Variants in PCDHA10 observed in about 807,000 individuals in gnomAD.
The protein encoded by PCDHA10 is protocadherin alpha-10.
In PCDHA10, 45 loss-of-function variants were observed where a neutral mutation model predicts 61.2. The ratio of observed to expected loss-of-function variants is 0.74; its 90% CI spans 0.58 to 0.94. The LOEUF is 0.94. PCDHA10 is among the 40% of genes least tolerant of loss of function. The pLI is 0.00. For synonymous variants in PCDHA10, 602 were observed against 548.8 expected (o/e 1.10, Z -1.35); for missense variants, 1,278 against 1,236.2 (o/e 1.03, Z -0.51).
intron 1 of PCDHA10, among the ~76,000 whole-genome samples, chr5:140,965,010 C>T (rs1160052537): frequency 5.9e-5 from 9 of 152,154 alleles, no homozygotes; most frequent in Admixed American, 3.9e-4. Flanking sequence ...GTGTCAGGAT[C>T]ACAACCTTGG....
chr5:140,932,593 A>G (rs1347990722), intron 1 of PCDHA10, among the ~76,000 whole-genome samples: 1 of 151,922 alleles, frequency 6.6e-6, no homozygotes, highest in African/African-American at 2.4e-5. Flanking sequence ...GATGTTTTGT[A>G]TATCTATTTT....
chr5:140,919,648 G>A (rs1482168238), intron 1 of PCDHA10, among the ~76,000 whole-genome samples: 7 of 151,936 alleles, frequency 4.6e-5, no homozygotes, highest in Non-Finnish European at 7.4e-5. Flanking sequence ...TTTCTCTAGA[G>A]TTTACCATAT....
chr5:140,914,073 C>T (rs1314205032), intron 1 of PCDHA10, among the ~76,000 whole-genome samples: 2 of 152,120 alleles, frequency 1.3e-5, no homozygotes, highest in Non-Finnish European at 2.9e-5. Flanking sequence ...TGCTCCATAA[C>T]TATCTATTAG....
At chr5:140,880,258 A>G (rs1278819523) in intron 1 of PCDHA10, among the ~76,000 whole-genome samples, 3 of 152,246 alleles carry the variant, frequency 2.0e-5, no homozygotes. Flanking sequence ...GTATGTATAC[A>G]TATTTTAGTT....
intron 3 of PCDHA10, among the ~76,000 whole-genome samples, chr5:141,007,961 C>G (rs1554261577): frequency 6.6e-6 from 1 of 152,176 alleles, no homozygotes; most frequent in East Asian, 1.9e-4. Flanking sequence ...TGCTCATTCT[C>G]TGGGTGTCTG....
At chr5:140,953,527 A>T (rs531720224) in intron 1 of PCDHA10, among the ~76,000 whole-genome samples, 153 of 152,150 alleles carry the variant, frequency 1.0e-3, no homozygotes, top group African/African-American at 2.9e-3. Flanking sequence ...AAAACGGGAA[A>T]CTCACTTCAT....
In PCDHA10 at chr5:140,882,894, G is replaced by A. The variant is rs1554176001; in HGVS notation, c.2388+24458G>A. The A allele has an allele frequency of 5.6e-6, 9 of 1,614,190 alleles. No homozygotes were observed. The East Asian group carries it at 1.3e-4, about 24-fold the overall frequency. The stretch of plus-strand genomic sequence containing the variant: ...GACAGAGAGGAAATTCAGGAACATA[G>A]TTTATTACTGACAGCCAGTGATGGA... On this transcript the variant is annotated intron_variant, in intron 1 of 3. Coordinates refer to ENST00000307360, the MANE Select transcript of PCDHA10 (RefSeq NM_018901.4).
At chr5:140,927,259 C>G (rs1262444613) in intron 1 of PCDHA10, 5 of 1,614,042 alleles carry the variant, frequency 3.1e-6, no homozygotes, top group Non-Finnish European at 3.4e-6. Flanking sequence ...CAACTCACCT[C>G]TCTTTCCTGC....
chr5:140,992,847 A>G (rs183404145), intron 3 of PCDHA10, among the ~76,000 whole-genome samples: 1 of 152,264 alleles, frequency 6.6e-6, no homozygotes, highest in East Asian at 1.9e-4. Flanking sequence ...TTGTATAACA[A>G]CCAGTTTCAC....
At chr5:140,960,380 A>G (rs2095544105) in intron 1 of PCDHA10, among the ~76,000 whole-genome samples, 2 of 152,200 alleles carry the variant, frequency 1.3e-5, no homozygotes, top group African/African-American at 4.8e-5. Flanking sequence ...TTAAGTGCCA[A>G]GACATTAGGA....
At chr5:140,901,199 A>T (rs1554189641) in intron 1 of PCDHA10, among the ~76,000 whole-genome samples, 4 of 152,106 alleles carry the variant, frequency 2.6e-5, no homozygotes, top group Non-Finnish European at 5.9e-5. Context: ...TTCTGTGCAG[A>T]AGGTTTTTAA....
In PCDHA10 at chr5:140,858,048, C is replaced by G. The variant is rs1203574330; in HGVS notation, c.2000C>G (p.Ser667Trp). 9.4e-6 allele frequency: 15 copies of G among 1,597,302 alleles called. 2 individuals carry two copies. Among genetic ancestry groups the G allele is most frequent in the Non-Finnish European group, 1.2e-5 (14 of 1,167,436 alleles). The change falls in exon 1 of 4, where the codon TCG becomes TGG. Residue 667 changes from serine (S) to tryptophan (W), a missense_variant. Transcript: ENST00000307360. ...SLTATATVLV[S>W]LVEGSQAPKA... ...ACGGCCACGGCCACTGTGCTTGTGT[C>G]GCTTGTGGAGGGCAGCCAGGCACCC...
At chr5:140,885,930 AT>A (rs1188534786) in intron 1 of PCDHA10, among the ~76,000 whole-genome samples, 9 of 152,222 alleles carry the variant, frequency 5.9e-5, no homozygotes, top group Admixed American at 5.9e-4. Context: ...CTGTTTATCT[AT>A]TTTTTGACAT....
Position 141,011,614 on chromosome 5 carries a change from T to C in PCDHA10, c.*1677T>C, listed in dbSNP as rs1268321894. On this transcript the variant is annotated 3_prime_UTR_variant, in exon 4 of 4. Transcript: ENST00000307360. ...GTGATTCAAGGAATTTTATTTATGG[T>C]CCAGCCAAGAGCCATCTCGTGCCAA... 5 of 153,774 alleles carry C rather than the reference T, an allele frequency of 3.3e-5. No individual in the cohort carries two copies. Among genetic ancestry groups the C allele is most frequent in the African/African-American group, 1.2e-4 (5 of 41,460 alleles). 9.5% of individuals were successfully genotyped at this position (153,774 alleles called of 1,614,324 possible). A position where few individuals can be genotyped will look rare whatever the true frequency, so the allele number is the denominator to read the frequency against.
At chr5:140,863,166 G>T (rs782088342) in intron 1 of PCDHA10, 4 of 672,474 alleles carry the variant, frequency 5.9e-6, no homozygotes, top group African/African-American at 5.4e-5. Flanking sequence ...GCGAGCTGGC[G>T]CTGACTGCCA....
At chr5:140,863,062 G>A (rs62384481) in intron 1 of PCDHA10, 2 of 565,590 alleles carry the variant, frequency 3.5e-6, no homozygotes, top group South Asian at 1.4e-5. Context: ...CCCGTTCCAC[G>A]TGGGGCTCTG....
Position 140,871,493 on chromosome 5 carries a change from A to G in PCDHA10, c.2388+13057A>G, listed in dbSNP as rs968230550. 7 of 1,589,034 alleles carry G rather than the reference A, an allele frequency of 4.4e-6. No homozygotes were observed. Among genetic ancestry groups the G allele is most frequent in the Non-Finnish European group, 6.0e-6 (7 of 1,166,200 alleles). Reference sequence around the variant, plus strand: ...GAGCCAGGGTCAAATCACCCCGGACAGGTGAGTTTTCTACAGATTCCACCT... The same window carrying G: ...GAGCCAGGGTCAAATCACCCCGGACGGGTGAGTTTTCTACAGATTCCACCT... On this transcript the variant is annotated intron_variant, in intron 1 of 3. Coordinates refer to ENST00000307360, the MANE Select transcript of PCDHA10 (RefSeq NM_018901.4).
intron 3 of PCDHA10, among the ~76,000 whole-genome samples, chr5:140,987,227 AT>A (rs1395687024): frequency 4.6e-5 from 7 of 151,696 alleles, no homozygotes; most frequent in African/African-American, 1.7e-4. Context: ...AAAAAAAAAA[AT>A]AATAAATAAA....
At chr5:140,859,579 G>A in intron 1 of PCDHA10, 1 of 171,440 alleles carries the variant, frequency 5.8e-6, no homozygotes, top group Non-Finnish European at 1.2e-5. Flanking sequence ...TTGTCATCTT[G>A]CCTATGGCTC....
Sources: gnomAD v4.1 joint callset for allele counts (sites outside exome capture counted in the v4.1 genomes callset) on GRCh38, gnomAD v4.1.1 for gene constraint, MANE v1.5 for transcripts, NCBI Gene and HGNC (gene_info 2026-07-23, HGNC 2026-07-21) for gene names.